The following PALLD variants were observed in gnomAD, a reference collection of about 807,000 sequenced individuals.
PALLD encodes the protein palladin.
Under a neutral mutation model 123.5 loss-of-function variants are expected in PALLD, and 61 were observed. The ratio of observed to expected loss-of-function variants is 0.49; its 90% CI spans 0.40 to 0.61. The LOEUF (loss-of-function observed/expected upper bound fraction) is 0.61, where lower values mean the gene tolerates loss of function less well. Among genes scored for constraint, PALLD ranks in the 20% least tolerant of loss-of-function variants. The probability of loss-of-function intolerance (pLI) is 0.00; values close to 1 mark genes in which losing one functional copy is unlikely to be tolerated. For synonymous variants in PALLD, 465 were observed against 496.4 expected (o/e 0.94, Z 0.84); for missense variants, 1,273 against 1,377.0 (o/e 0.92, Z 1.20).
rs1581024926 is a variant in PALLD at position 168,698,076 on chromosome 4, A to G, written c.1501+6784A>G. 2.0e-5 allele frequency among the ~76,000 whole-genome samples: 3 copies of G among 152,226 alleles called. No homozygotes were observed. The South Asian group carries it at 6.2e-4, about 31-fold the overall frequency. On this transcript the variant is annotated intron_variant, in intron 8 of 21. Coordinates refer to ENST00000505667, the MANE Select transcript of PALLD (RefSeq NM_001166108.2). ...GATCCTATCATTTGCAACAACATGGATGGAACTGGAGCTCATTATGTTAAG... is the reference window on the plus strand; with the variant it reads ...GATCCTATCATTTGCAACAACATGGGTGGAACTGGAGCTCATTATGTTAAG...
intron 2 of PALLD, among the ~76,000 whole-genome samples, chr4:168,626,227 C>T (rs1204743540): frequency 6.6e-6 from 1 of 151,642 alleles, no homozygotes. Context: ...AGTGAAACCT[C>T]GTCTCTACTA....
At chr4:168,790,832 A>T (rs1737409978) in intron 10 of PALLD, among the ~76,000 whole-genome samples, 1 of 152,156 alleles carries the variant, frequency 6.6e-6, no homozygotes, top group Admixed American at 6.5e-5. Flanking sequence ...AATTTCAGAA[A>T]AGTATTCCAT....
intron 10 of PALLD, among the ~76,000 whole-genome samples, chr4:168,867,258 T>C (rs1433003916): frequency 6.6e-6 from 1 of 152,236 alleles, no homozygotes; most frequent in East Asian, 1.9e-4. Flanking sequence ...TCTATAGCAG[T>C]TAGCTCTCAT....
intron 8 of PALLD, among the ~76,000 whole-genome samples, chr4:168,693,409 A>G (rs1027044773): frequency 2.0e-5 from 3 of 152,220 alleles, no homozygotes; most frequent in African/African-American, 7.2e-5. Context: ...TCATGGAATC[A>G]CCTGACCTCT....
intron 2 of PALLD, among the ~76,000 whole-genome samples, chr4:168,595,057 A>G (rs28404664): frequency 0.014 from 2,188 of 152,248 alleles, 52 homozygotes; most frequent in African/African-American, 0.05. Flanking sequence ...GTTTTCCCAA[A>G]GGAATGATAA....
intron 8 of PALLD, 58 bp from the exon 9 acceptor site, chr4:168,708,970 C>A (rs1784469544): frequency 1.3e-6 from 2 of 1,556,736 alleles, no homozygotes; most frequent in Admixed American, 3.3e-5. Flanking sequence ...GGTCTCACTT[C>A]TTAAAAGTGA....
chr4:168,722,848 G>A (rs765851471), intron 10 of PALLD, among the ~76,000 whole-genome samples: 6 of 152,144 alleles, frequency 3.9e-5, no homozygotes, highest in African/African-American at 1.2e-4. Flanking sequence ...CAGCCAAGCC[G>A]TGTGTAGGTT....
intron 2 of PALLD, among the ~76,000 whole-genome samples, chr4:168,596,982 A>C (rs911385293): frequency 6.6e-6 from 1 of 152,092 alleles, no homozygotes; most frequent in African/African-American, 2.4e-5. Context: ...TAAAAATTGA[A>C]TATTTTTTAA....
At chr4:168,640,174 G>GT (rs1776801159) in intron 2 of PALLD, among the ~76,000 whole-genome samples, 1 of 152,162 alleles carries the variant, frequency 6.6e-6, no homozygotes, top group East Asian at 1.9e-4. Context: ...CAAGTTCAGC[G>GT]TATTATCCTC....
chr4:168,832,722 G>C (rs1007396788), intron 10 of PALLD: 1 of 152,234 alleles, frequency 6.6e-6, no homozygotes, highest in African/African-American at 2.4e-5. Flanking sequence ...CTTTCTTTGG[G>C]ATGGTTCACC....
chr4:168,828,012 G>C (rs1189624034), intron 10 of PALLD, among the ~76,000 whole-genome samples: 1 of 152,204 alleles, frequency 6.6e-6, no homozygotes, highest in African/African-American at 2.4e-5. Flanking sequence ...TTGCACTCCA[G>C]CCCGGGTAAC....
chr4:168,547,366 G>A (rs114089735), intron 2 of PALLD, among the ~76,000 whole-genome samples: 2,502 of 151,800 alleles, frequency 0.016, 77 homozygotes, highest in African/African-American at 0.057. Flanking sequence ...TGTGTGTGTG[G>A]CCAGCATAAC....
Position 168,685,571 on chromosome 4 carries a change from G to A in PALLD, c.1335+12G>A, listed in dbSNP as rs1340388921. On this transcript the variant is annotated intron_variant, in intron 6 of 21. Transcript: ENST00000505667. ...CTGTTTTTACAAAGGTCTGACATCT[G>A]GAAGTCTCATTCTCTGTGTTTGCTT... The A allele has an allele frequency of 6.4e-7, 1 of 1,562,446 alleles. No homozygotes were observed. The highest frequency in any genetic ancestry group is 8.8e-7 in the Non-Finnish European group (1 of 1,133,078).
intron 10 of PALLD, among the ~76,000 whole-genome samples, chr4:168,754,833 G>A (rs985605598): frequency 6.6e-6 from 1 of 152,188 alleles, no homozygotes; most frequent in African/African-American, 2.4e-5. Context: ...CAATGAACAA[G>A]ACAAACAAAG....
Position 168,925,257 on chromosome 4 carries a change from C to T in PALLD, c.*11C>T. ...GTTTCTCGACATTAATAGTGAACCA[C>T]ACCAGGAGAACAAATACCCAAGTAT... On this transcript the variant is annotated 3_prime_UTR_variant, in exon 21 of 22. Transcript: ENST00000505667. 1 of 1,608,218 alleles carries T rather than the reference C, an allele frequency of 6.2e-7. No individual in the cohort carries two copies. Among genetic ancestry groups the T allele is most frequent in the East Asian group, 2.2e-5 (1 of 44,836 alleles).
At chr4:168,668,391 G>A in intron 3 of PALLD, 23 bp downstream of exon 3, 1 of 1,565,556 alleles carries the variant, frequency 6.4e-7, no homozygotes, top group Middle Eastern at 1.8e-4. Flanking sequence ...GCCTGGTAAT[G>A]GGGGATAAAG....
chr4:168,776,349 C>G (rs1735163633), intron 10 of PALLD, among the ~76,000 whole-genome samples: 2 of 152,124 alleles, frequency 1.3e-5, no homozygotes, highest in Admixed American at 6.5e-5. Flanking sequence ...CAGTTGACTT[C>G]TATATTATTG....
At chr4:168,682,975 A>G (rs1216927476) in intron 4 of PALLD, 23 bp from the exon 5 acceptor site, 2 of 1,372,756 alleles carry the variant, frequency 1.5e-6, no homozygotes, top group African/African-American at 2.9e-5. Flanking sequence ...TTCTGACTAA[A>G]CACTCACCTT....
At chr4:168,536,755 T>C (rs1765133300) in intron 2 of PALLD, among the ~76,000 whole-genome samples, 1 of 152,028 alleles carries the variant, frequency 6.6e-6, no homozygotes, top group Admixed American at 6.5e-5. Context: ...CACTTGGGGA[T>C]TATGGGATTA....
Sources: allele counts gnomAD v4.1 joint callset (sites outside exome capture counted in the v4.1 genomes callset), GRCh38; gene constraint gnomAD v4.1.1; transcripts MANE v1.5; gene names NCBI Gene and HGNC (gene_info 2026-07-23, HGNC 2026-07-21).